Variants in EHMT2 observed in about 807,000 individuals in gnomAD.
EHMT2 encodes the protein euchromatic histone lysine methyltransferase 2, also known as histone-lysine N-methyltransferase EHMT2.
In EHMT2, 59 loss-of-function variants were observed where a neutral mutation model predicts 143.3. The observed-to-expected ratio is 0.41, with a 90% CI of 0.33 to 0.51. EHMT2 has a LOEUF of 0.51. Among genes scored for constraint, EHMT2 ranks in the 20% least tolerant of loss-of-function variants. EHMT2 has a pLI of 0.18. For synonymous variants in EHMT2, 604 were observed against 651.5 expected (o/e 0.93, Z 1.11); for missense variants, 1,174 against 1,645.9 (o/e 0.71, Z 4.96).
At position 31,892,817 on chromosome 6, in the gene EHMT2, G is replaced by A; in HGVS notation, c.667+9C>T. ...CATCAAGCCACCGGGGGTGGGGGAT[G>A]GGACTGACCTGAGGTCACCTTTCCC... On this transcript the variant is annotated intron_variant, in intron 5 of 27. Transcript: ENST00000375537. 2.5e-6 allele frequency: 4 copies of A among 1,610,870 alleles called. No individual in the cohort carries two copies. The highest frequency in any genetic ancestry group is 3.4e-6 in the Non-Finnish European group (4 of 1,178,592).
exon 4 of EHMT2, chr6:31,896,263 C>G (rs1461308678): frequency 6.2e-7 from 1 of 1,611,068 alleles, no homozygotes; most frequent in South Asian, 1.1e-5. Flanking sequence ...TCCCACTCAC[C>G]TGTCCATTTC....
rs758389071 is a variant in EHMT2 at position 31,887,764 on chromosome 6, C to G, written c.1928+15G>C. On this transcript the variant is annotated intron_variant, in intron 14 of 27. Coordinates refer to ENST00000375537, the Ensembl canonical transcript of EHMT2. ...CTCAGCCCCAGTTGCTGTGCCTGAG[C>G]AACTCCCCACTCACCTCTCTGACTC... The G allele has an allele frequency of 3.1e-6, 5 of 1,598,622 alleles. No homozygotes were observed. The highest frequency in any genetic ancestry group is 2.2e-5 in the East Asian group (1 of 44,766).
chr6:31,891,312 G>A (rs970843327), intron 7 of EHMT2, among the ~76,000 whole-genome samples: 1 of 152,048 alleles, frequency 6.6e-6, no homozygotes, highest in African/African-American at 2.4e-5. Context: ...AACCATTTGT[G>A]AGAGCTGAGG....
At chr6:31,890,213 G>C (rs986730992) in intron 7 of EHMT2, among the ~76,000 whole-genome samples, 1 of 151,928 alleles carries the variant, frequency 6.6e-6, no homozygotes, top group Non-Finnish European at 1.5e-5. Context: ...AAATTCTGTA[G>C]GACAACTGAG....
At chr6:31,896,554 A>C (rs1766479818) in intron 3 of EHMT2, 38 bp from the exon 4 acceptor site, 1 of 1,605,418 alleles carries the variant, frequency 6.2e-7, no homozygotes, top group Non-Finnish European at 8.5e-7. Flanking sequence ...ATAAGAAAGA[A>C]GGCAAGAGTC....
At chr6:31,885,281 T>C (rs1011289999) in intron 18 of EHMT2, 4 of 393,508 alleles carry the variant, frequency 1.0e-5, no homozygotes, top group East Asian at 4.3e-5. Flanking sequence ...ATGGAGGCCA[T>C]TGTGGCCAAC....
chr6:31,891,921 T>C (rs1179238222), intron 7 of EHMT2, among the ~76,000 whole-genome samples: 5 of 151,652 alleles, frequency 3.3e-5, no homozygotes, highest in Admixed American at 3.3e-4. Flanking sequence ...GCCACCTTTG[T>C]GGATGAAACG....
intron 4 of EHMT2, among the ~76,000 whole-genome samples, chr6:31,894,945 C>G (rs564790543): frequency 6.6e-6 from 1 of 152,326 alleles, no homozygotes; most frequent in East Asian, 1.9e-4. Flanking sequence ...CCACGCCTGG[C>G]CTACTGTTAG....
chr6:31,883,094 AG>A lies in EHMT2; in HGVS notation c.2995-86del. 7.7e-7 allele frequency: 1 copy of A among 1,296,442 alleles called. No individual in the cohort carries two copies. The highest frequency in any genetic ancestry group is 1.2e-5 in the South Asian group (1 of 80,506). 80.3% of individuals were successfully genotyped at this position (1,296,442 alleles called of 1,614,324 possible). On this transcript the variant is annotated intron_variant, in intron 23 of 27. Coordinates refer to ENST00000375537, the Ensembl canonical transcript of EHMT2. This position sits in a 1 kb window ranked among gnomAD's most constrained non-coding sequence, Gnocchi z 5.6. Reference sequence around the variant, plus strand: ...AGGAACCCCAAGACTCTACAGAGACAGGGAAGTTGGGGTTGGGGAGGTCACA... The same window carrying A: ...AGGAACCCCAAGACTCTACAGAGACAGGAAGTTGGGGTTGGGGAGGTCACA...
rs1765428778 is a variant in EHMT2, at chr6:31,889,644, C to CA, written c.865-43dup. ...ACAGACATATCCAACCCCCAGGACT[C>CA]AGACAATGAGGTGAGTAAAGAAAAC... On this transcript the variant is annotated intron_variant, in intron 7 of 27. Coordinates refer to ENST00000375537, the Ensembl canonical transcript of EHMT2. The surrounding 1 kb of genome is among the most constrained non-coding windows in gnomAD (Gnocchi z 5.1). 6.2e-7 allele frequency: 1 copy of CA among 1,604,144 alleles called. No homozygotes were observed. The highest frequency in any genetic ancestry group is 1.3e-5 in the African/African-American group (1 of 74,852).
chr6:31,896,424 G>A (rs201099958), exon 4 of EHMT2: 73 of 1,612,928 alleles, frequency 4.5e-5, no homozygotes, highest in Non-Finnish European at 8.5e-6. Context: ...ACAGATGGAG[G>A]TGATTTTCCC....
rs200117526 is a variant in EHMT2, at chr6:31,892,808, G to A, written c.667+18C>T. On this transcript the variant is annotated intron_variant, in intron 5 of 27. Coordinates refer to ENST00000375537, the Ensembl canonical transcript of EHMT2. ...AACAGACCACATCAAGCCACCGGGGGTGGGGGATGGGACTGACCTGAGGTC... is the reference window on the plus strand; with the variant it reads ...AACAGACCACATCAAGCCACCGGGGATGGGGGATGGGACTGACCTGAGGTC... The A allele has an allele frequency of 2.5e-6, 4 of 1,611,910 alleles. No individual in the cohort carries two copies. The highest frequency in any genetic ancestry group is 3.4e-6 in the Non-Finnish European group (4 of 1,179,150).
chr6:31,897,115 C>G, intron 1 of EHMT2, 126 bp from the exon 2 acceptor site: 13 of 1,419,924 alleles, frequency 9.2e-6, no homozygotes, highest in Non-Finnish European at 1.1e-5. Context: ...TGGGGCCCCC[C>G]CCTTCCGCGG....
Position 31,884,006 on chromosome 6 carries a change from T to A in EHMT2, c.2772-56A>T. The A allele has an allele frequency of 6.3e-7, 1 of 1,590,202 alleles. No homozygotes were observed. Among genetic ancestry groups the A allele is most frequent in the Non-Finnish European group, 8.6e-7 (1 of 1,166,756 alleles). On this transcript the variant is annotated intron_variant, in intron 21 of 27. Transcript: ENST00000375537. This position sits in a 1 kb window ranked among gnomAD's most constrained non-coding sequence, Gnocchi z 7.3. ...GCTGGAAAAGGGGGTGAGGAGCTACTCCAGGTATAAGGAAGAGAGTTGGGG... is the reference window on the plus strand; with the variant it reads ...GCTGGAAAAGGGGGTGAGGAGCTACACCAGGTATAAGGAAGAGAGTTGGGG...
chr6:31,880,512 C>T lies in EHMT2; in HGVS notation c.3452+161G>A, dbSNP rs1763963829. 3.3e-6 allele frequency: 3 copies of T among 898,316 alleles called. No individual in the cohort carries two copies. Among genetic ancestry groups the T allele is most frequent in the Non-Finnish European group, 5.0e-6 (3 of 604,928 alleles). 55.6% of individuals were successfully genotyped at this position (898,316 alleles called of 1,614,324 possible). A position where few individuals can be genotyped will look rare whatever the true frequency, so the allele number is the denominator to read the frequency against. On this transcript the variant is annotated intron_variant, in intron 27 of 27. Transcript: ENST00000375537. This position sits in a 1 kb window ranked among gnomAD's most constrained non-coding sequence, Gnocchi z 6.6. ...CAAAATCTCTCTGGGAGGCACAGGA[C>T]TGTTTCCCCAAGTCCTCCAGGAAAT...
chr6:31,886,812 C>T lies in EHMT2; in HGVS notation c.2204G>A (p.Arg735His), dbSNP rs765936779. Residue 735 changes from arginine to histidine, a missense_variant, in exon 17 of 28, where the codon CGT (arginine) becomes CAT (histidine). By Grantham distance (29) the Arg-to-His change is conservative. Transcript: ENST00000375537. ...ACAGCCACCACGCTGCACCATGTAA[C>T]GGGCTACCTCCAGGTGGTTGTTCAC... 16 of 1,614,264 alleles carry T rather than the reference C, an allele frequency of 9.9e-6. No homozygotes were observed. Among genetic ancestry groups the T allele is most frequent in the Admixed American group, 5.0e-5 (3 of 60,034 alleles).
chr6:31,883,131 G>T lies in EHMT2; in HGVS notation c.2995-122C>A. ...GTTGGGGAGGTCACACAGGCTCTGA[G>T]ATCCGAGAGCACGAAATGCAGGAGC... On this transcript the variant is annotated intron_variant, in intron 23 of 27. Coordinates refer to ENST00000375537, the Ensembl canonical transcript of EHMT2. This position sits in a 1 kb window ranked among gnomAD's most constrained non-coding sequence, Gnocchi z 5.6. The T allele has an allele frequency of 1.1e-6, 1 of 949,196 alleles. No homozygotes were observed. Among genetic ancestry groups the T allele is most frequent in the Non-Finnish European group, 1.6e-6 (1 of 609,326 alleles). The allele number at this position is 949,196 out of a possible 1,614,324, so 58.8% of individuals were successfully genotyped here. A position where few individuals can be genotyped will look rare whatever the true frequency, so the allele number is the denominator to read the frequency against.
chr6:31,897,409 T>G (rs1342667134), intron 1 of EHMT2, among the ~76,000 whole-genome samples: 4 of 147,436 alleles, frequency 2.7e-5, no homozygotes, highest in Non-Finnish European at 6.0e-5. Context: ...CCGGCGCCCG[T>G]CGCCCACTCA....
At chr6:31,896,413 G>A (rs1277788096) in exon 4 of EHMT2, 1 of 1,612,900 alleles carries the variant, frequency 6.2e-7, no homozygotes, top group Non-Finnish European at 8.5e-7. Context: ...CCAAACTCTG[G>A]ACAGATGGAG....
Sources: gnomAD v4.1 joint callset for allele counts (sites outside exome capture counted in the v4.1 genomes callset) on GRCh38, gnomAD v4.1.1 for gene constraint, Gnocchi (gnomAD v3.1) non-coding constraint, MANE v1.5 for transcripts, NCBI Gene and HGNC (gene_info 2026-07-23, HGNC 2026-07-21) for gene names.